The following NTM variants were observed in gnomAD, a reference collection of about 807,000 sequenced individuals.
NTM encodes the protein IgLON family member 2.
In NTM, 13 loss-of-function variants were observed where a neutral mutation model predicts 42.1. The ratio of observed to expected loss-of-function variants is 0.31; its 90% CI spans 0.20 to 0.49. NTM has a LOEUF of 0.49. Among genes scored for constraint, NTM ranks in the 20% least tolerant of loss-of-function variants. The pLI is 0.99. For synonymous variants in NTM, 187 were observed against 179.2 expected (o/e 1.04, Z -0.35); for missense variants, 373 against 452.8 (o/e 0.82, Z 1.60).
rs150553681 is a variant in NTM at position 131,484,617 on chromosome 11, C to T, written c.82+113729C>T. On this transcript the variant is annotated intron_variant, in intron 1 of 8. Coordinates refer to ENST00000683400, the MANE Select transcript of NTM (RefSeq NM_001352005.2). ...CATCCACAGGAGAGTGAGACGGACA[C>T]CTGAGACCCTCTTCCTCCTGCGTAG... Among the ~76,000 whole-genome samples, 126 of 152,242 alleles carry T rather than the reference C, an allele frequency of 8.3e-4. 2 individuals carry two copies. The East Asian group carries it at 0.023, about 28-fold the overall frequency.
chr11:132,137,909 G>A (rs558846901), intron 2 of NTM, among the ~76,000 whole-genome samples: 15 of 152,156 alleles, frequency 9.9e-5, no homozygotes, highest in Non-Finnish European at 1.6e-4. Context: ...AGAGAGCAAC[G>A]TGCTAGCTTG....
At chr11:132,138,590 C>CTATG (rs2068435812) in intron 2 of NTM, among the ~76,000 whole-genome samples, 1 of 73,098 alleles carries the variant, frequency 1.4e-5, no homozygotes. Flanking sequence ...ATCTATCTAT[C>CTATG]TATCTATCTA....
intron 1 of NTM, among the ~76,000 whole-genome samples, chr11:131,717,283 T>G (rs2077802598): frequency 6.6e-6 from 1 of 152,226 alleles, no homozygotes; most frequent in African/African-American, 2.4e-5. Flanking sequence ...TTTCCTGGTT[T>G]TGGATTGAAA....
chr11:132,198,590 G>GA (rs912316918), intron 3 of NTM, among the ~76,000 whole-genome samples: 2 of 152,144 alleles, frequency 1.3e-5, no homozygotes, highest in Non-Finnish European at 2.9e-5. Flanking sequence ...TAAAAGCTTT[G>GA]AAAAACTATG....
chr11:131,488,007 G>A (rs1036963931), intron 1 of NTM, among the ~76,000 whole-genome samples: 6 of 152,186 alleles, frequency 3.9e-5, no homozygotes, highest in African/African-American at 1.4e-4. Context: ...AGTTTGGAAA[G>A]CAGTCAACAC....
At chr11:131,920,716 G>A (rs190507416) in intron 2 of NTM, among the ~76,000 whole-genome samples, 2 of 152,150 alleles carry the variant, frequency 1.3e-5, no homozygotes, top group African/African-American at 4.8e-5. Context: ...TAAAATGAAC[G>A]TATGAACTAA....
chr11:131,689,597 T>C (rs75452964), intron 1 of NTM, among the ~76,000 whole-genome samples: 348 of 152,328 alleles, frequency 2.3e-3, no homozygotes, highest in African/African-American at 8.1e-3. Flanking sequence ...ACAGATGTTC[T>C]GAGGACAGGT....
chr11:131,442,685 T>A (rs973045902), intron 1 of NTM, among the ~76,000 whole-genome samples: 4 of 152,190 alleles, frequency 2.6e-5, no homozygotes, highest in African/African-American at 7.2e-5. Flanking sequence ...TGACTTTCTG[T>A]TTCCGAGTTA....
intron 1 of NTM, among the ~76,000 whole-genome samples, chr11:131,783,256 A>AT (rs1448646563): frequency 6.6e-6 from 1 of 152,158 alleles, no homozygotes; most frequent in Admixed American, 6.5e-5. Flanking sequence ...TTAGAAATGA[A>AT]TTTTTAAAGA....
chr11:131,800,524 T>C (rs940588301), intron 1 of NTM, among the ~76,000 whole-genome samples: 3 of 152,268 alleles, frequency 2.0e-5, no homozygotes, highest in Non-Finnish European at 4.4e-5. Context: ...TGAATACATA[T>C]CGCTTTGTTT....
At chr11:131,553,771 A>G (rs1358650949) in intron 1 of NTM, among the ~76,000 whole-genome samples, 1 of 152,172 alleles carries the variant, frequency 6.6e-6, no homozygotes, top group East Asian at 1.9e-4. Context: ...CCCGAAATGC[A>G]AAGCAAGTTA....
At chr11:132,147,214 T>A (rs7952295) in intron 3 of NTM, among the ~76,000 whole-genome samples, 42,032 of 121,274 alleles carry the variant, frequency 0.35, 7,262 homozygotes, top group East Asian at 0.4. Context: ...TGTGTGTGTG[T>A]GAGAGAGAGA....
chr11:131,892,260 G>T (rs370652368), intron 1 of NTM, among the ~76,000 whole-genome samples: 5 of 152,182 alleles, frequency 3.3e-5, no homozygotes, highest in East Asian at 1.9e-4. Flanking sequence ...GTAGCTGGGT[G>T]AGAATTACAT....
chr11:131,694,909 G>T (rs1592592634), intron 1 of NTM, among the ~76,000 whole-genome samples: 1 of 152,150 alleles, frequency 6.6e-6, no homozygotes, highest in Non-Finnish European at 1.5e-5. Flanking sequence ...CTTGGGACTC[G>T]CTCAGCGCCC....
At chr11:132,140,134 A>G (rs562045324) in intron 2 of NTM, among the ~76,000 whole-genome samples, 66 of 152,296 alleles carry the variant, frequency 4.3e-4, no homozygotes, top group African/African-American at 1.5e-3. Context: ...AACCCAGTGG[A>G]GTGAGATAAC....
At chr11:131,888,340 C>A (rs1167059057) in intron 1 of NTM, among the ~76,000 whole-genome samples, 2 of 152,150 alleles carry the variant, frequency 1.3e-5, no homozygotes, top group East Asian at 3.9e-4. Context: ...ATGGATACCA[C>A]CCGGCCTGTT....
At chr11:131,556,848 G>A (rs2055500587) in intron 1 of NTM, among the ~76,000 whole-genome samples, 1 of 152,170 alleles carries the variant, frequency 6.6e-6, no homozygotes, top group South Asian at 2.1e-4. Flanking sequence ...TTACAGGCGT[G>A]AGCCACCGCA....
intron 2 of NTM, among the ~76,000 whole-genome samples, chr11:131,914,695 A>G (rs1297786838): frequency 6.6e-6 from 1 of 152,202 alleles, no homozygotes; most frequent in Non-Finnish European, 1.5e-5. Flanking sequence ...CCTGAAAAGA[A>G]TTACAATTTG....
chr11:131,850,649 G>A (rs2045421642), intron 1 of NTM, among the ~76,000 whole-genome samples: 1 of 152,206 alleles, frequency 6.6e-6, no homozygotes, highest in African/African-American at 2.4e-5. Flanking sequence ...AGCGGCTGCT[G>A]ATCAGAAGGG....
Sources: gnomAD v4.1 joint callset for allele counts (sites outside exome capture counted in the v4.1 genomes callset) on GRCh38, gnomAD v4.1.1 for gene constraint, MANE v1.5 for transcripts, NCBI Gene and HGNC (gene_info 2026-07-23, HGNC 2026-07-21) for gene names.